The following TTC39C variants were observed in gnomAD, a reference collection of about 807,000 sequenced individuals.
The protein encoded by TTC39C is tetratricopeptide repeat domain 39C, also known as tetratricopeptide repeat protein 39C.
Under a neutral mutation model 76.3 loss-of-function variants are expected in TTC39C, and 33 were observed. The observed-to-expected ratio is 0.43, with a 90% CI of 0.33 to 0.58. The LOEUF is 0.58. TTC39C is among the 20% of genes least tolerant of loss of function. The probability of loss-of-function intolerance (pLI) is 0.04; values close to 1 mark genes in which losing one functional copy is unlikely to be tolerated. For missense variants in TTC39C, 595 were observed against 701.4 expected, an observed-to-expected ratio of 0.85 and a Z score of 1.71; for synonymous variants, 254 against 260.6, an observed-to-expected ratio of 0.97 and a Z score of 0.24.
At chr18:24,030,018 C>G (rs1168113417) in intron 1 of TTC39C, among the ~76,000 whole-genome samples, 1 of 152,048 alleles carries the variant, frequency 6.6e-6, no homozygotes. Context: ...CTCAGAGTAC[C>G]CAGTAGTGAG....
chr18:24,022,573 T>G, intron 1 of TTC39C: 1 of 985,428 alleles, frequency 1.0e-6, no homozygotes, highest in Non-Finnish European at 1.2e-6. Flanking sequence ...ACATGTGTCC[T>G]GTCAAAGCCA....
intron 1 of TTC39C, among the ~76,000 whole-genome samples, chr18:23,995,017 G>A (rs1186887976): frequency 6.6e-6 from 1 of 152,076 alleles, no homozygotes; most frequent in Admixed American, 6.6e-5. Flanking sequence ...TTTATCACGT[G>A]TGTAGGTTTG....
intron 6 of TTC39C, among the ~76,000 whole-genome samples, chr18:24,102,803 C>G (rs1007795004): frequency 2.6e-5 from 4 of 152,198 alleles, no homozygotes; most frequent in Admixed American, 6.5e-5. Flanking sequence ...ATTAAAGCAG[C>G]TTTGCTTAAA....
chr18:24,093,218 G>A (rs1038633950), intron 6 of TTC39C, among the ~76,000 whole-genome samples: 1 of 152,142 alleles, frequency 6.6e-6, no homozygotes, highest in Non-Finnish European at 1.5e-5. Flanking sequence ...AGTGGCTCAC[G>A]CCTATAATCC....
intron 1 of TTC39C, among the ~76,000 whole-genome samples, chr18:24,007,516 T>A (rs9964907): frequency 6.6e-6 from 1 of 152,014 alleles, no homozygotes; most frequent in Non-Finnish European, 1.5e-5. Context: ...CCTGATAAAC[T>A]GGGATTACAG....
At chr18:24,101,405 G>A (rs1480683758) in intron 6 of TTC39C, among the ~76,000 whole-genome samples, 1 of 151,580 alleles carries the variant, frequency 6.6e-6, no homozygotes, top group Admixed American at 6.6e-5. Context: ...TCAAGAGATC[G>A]AGACCATCCT....
At chr18:24,035,715 C>G (rs1418940602) in intron 1 of TTC39C, among the ~76,000 whole-genome samples, 1 of 152,144 alleles carries the variant, frequency 6.6e-6, no homozygotes, top group African/African-American at 2.4e-5. Context: ...ACATTTCCCC[C>G]CCCATTCCAT....
intron 1 of TTC39C, among the ~76,000 whole-genome samples, chr18:24,061,221 GTCT>G (rs1446277861): frequency 4.1e-5 from 6 of 146,496 alleles, no homozygotes; most frequent in South Asian, 2.1e-4. Context: ...CAAATATTTA[GTCT>G]TCTTTTTTTT....
rs754981690 is a variant in TTC39C at position 24,080,763 on chromosome 18, C to G, written c.639C>G (p.Asn213Lys). 6.2e-7 allele frequency: 1 copy of G among 1,614,126 alleles called. No individual in the cohort carries two copies. Among genetic ancestry groups the G allele is most frequent in the South Asian group, 1.1e-5 (1 of 91,074 alleles). Residue 213 changes from asparagine to lysine, a missense_variant, in exon 5 of 14, where the codon AAC (asparagine) becomes AAG (lysine). Transcript: ENST00000317571. ...VAEGVSEESLNRLKGAVSFGY... is the reference protein window; with the variant it reads ...VAEGVSEESLKRLKGAVSFGY... ...AAGGGGTGTCTGAGGAGTCTCTGAA[C>G]AGACTGAAAGGTGCTGTTAGCTTTG...
At chr18:23,995,048 T>C (rs1450440094) in intron 1 of TTC39C, among the ~76,000 whole-genome samples, 2 of 152,230 alleles carry the variant, frequency 1.3e-5, no homozygotes, top group Non-Finnish European at 2.9e-5. Flanking sequence ...ATTGCAATTA[T>C]GATACAGAAC....
chr18:24,074,943 C>T (rs1047575300), intron 4 of TTC39C, among the ~76,000 whole-genome samples: 7 of 152,090 alleles, frequency 4.6e-5, no homozygotes, highest in African/African-American at 1.7e-4. Flanking sequence ...AAATGTGGCA[C>T]ATATACACCA....
At chr18:24,043,198 A>G (rs2083819286) in intron 1 of TTC39C, among the ~76,000 whole-genome samples, 1 of 152,160 alleles carries the variant, frequency 6.6e-6, no homozygotes, top group African/African-American at 2.4e-5. Context: ...GAATGAAATA[A>G]AAAAACTACC....
chr18:24,108,710 T>C (rs2084776170), intron 6 of TTC39C, among the ~76,000 whole-genome samples: 1 of 152,182 alleles, frequency 6.6e-6, no homozygotes, highest in South Asian at 2.1e-4. Flanking sequence ...AGTTAGTTGC[T>C]CCATCCCTTT....
At chr18:24,005,567 C>T (rs1300425027) in intron 1 of TTC39C, among the ~76,000 whole-genome samples, 1 of 151,752 alleles carries the variant, frequency 6.6e-6, no homozygotes, top group Non-Finnish European at 1.5e-5. Context: ...ACAATCTGGC[C>T]AGGCAAGGAG....
At chr18:24,100,989 G>T (rs912568992) in intron 6 of TTC39C, among the ~76,000 whole-genome samples, 1 of 152,180 alleles carries the variant, frequency 6.6e-6, no homozygotes, top group Non-Finnish European at 1.5e-5. Context: ...CCAAGGGGAA[G>T]ATAAGAATAT....
upstream of TTC39C, among the ~76,000 whole-genome samples, chr18:24,010,411 G>A (rs2083385985): frequency 6.6e-6 from 1 of 152,188 alleles, no homozygotes; most frequent in Non-Finnish European, 1.5e-5. Flanking sequence ...AAATACGTAA[G>A]AAGGCAGCTT....
chr18:24,110,713 C>T (rs528431980), intron 6 of TTC39C, among the ~76,000 whole-genome samples: 1 of 152,348 alleles, frequency 6.6e-6, no homozygotes, highest in Non-Finnish European at 1.5e-5. Context: ...TCTTTCATAA[C>T]AATGCCATGG....
At chr18:24,056,731 A>G (rs552552728) in intron 1 of TTC39C, among the ~76,000 whole-genome samples, 45 of 152,326 alleles carry the variant, frequency 3.0e-4, no homozygotes, top group Non-Finnish European at 5.4e-4. Context: ...AAAATTTTAG[A>G]GCCGTTTTAT....
At chr18:24,037,816 G>A (rs1322721276) in intron 1 of TTC39C, among the ~76,000 whole-genome samples, 1 of 152,208 alleles carries the variant, frequency 6.6e-6, no homozygotes, top group East Asian at 1.9e-4. Context: ...TCTTCAAGGA[G>A]ATCACAAGGA....
Sources: allele counts gnomAD v4.1 joint callset (sites outside exome capture counted in the v4.1 genomes callset), GRCh38; gene constraint gnomAD v4.1.1; transcripts MANE v1.5; gene names NCBI Gene and HGNC (gene_info 2026-07-23, HGNC 2026-07-21).